The following IL1RAP variants were observed in gnomAD, a reference collection of about 807,000 sequenced individuals.
The protein encoded by IL1RAP is interleukin-1 receptor accessory protein.
In IL1RAP, 35 loss-of-function variants were observed where a neutral mutation model predicts 60.7. That is an observed-to-expected ratio of 0.58 (90% confidence interval 0.44 to 0.76). IL1RAP has a LOEUF of 0.76. Among genes scored for constraint, IL1RAP ranks in the 30% least tolerant of loss-of-function variants. IL1RAP has a pLI of 0.00. For synonymous variants in IL1RAP, 268 were observed against 250.9 expected, an observed-to-expected ratio of 1.07 and a Z score of -0.64; for missense variants, 572 against 693.9, an observed-to-expected ratio of 0.82 and a Z score of 1.97.
At chr3:190,571,154 T>C (rs1163058600) in intron 3 of IL1RAP, among the ~76,000 whole-genome samples, 4 of 152,180 alleles carry the variant, frequency 2.6e-5, no homozygotes, top group Admixed American at 2.6e-4. Context: ...CTGTTAACTA[T>C]TGCTTTTTAT....
intron 3 of IL1RAP, among the ~76,000 whole-genome samples, chr3:190,585,422 G>A (rs1458089266): frequency 6.6e-6 from 1 of 152,188 alleles, no homozygotes; most frequent in African/African-American, 2.4e-5. Flanking sequence ...CTTGACACAT[G>A]TGGAGTTGCA....
intron 5 of IL1RAP, among the ~76,000 whole-genome samples, chr3:190,613,930 G>A (rs539172520): frequency 1.3e-5 from 2 of 151,878 alleles, no homozygotes; most frequent in African/African-American, 4.8e-5. Context: ...TCTACCTTTG[G>A]GTAATCAACT....
intron 3 of IL1RAP, among the ~76,000 whole-genome samples, chr3:190,576,145 C>T (rs548326446): frequency 6.6e-6 from 1 of 152,008 alleles, no homozygotes; most frequent in African/African-American, 2.4e-5. Flanking sequence ...TGTAAAAAAC[C>T]CTAAGAGTAG....
At chr3:190,584,725 T>C (rs1295390882) in intron 3 of IL1RAP, among the ~76,000 whole-genome samples, 7 of 152,224 alleles carry the variant, frequency 4.6e-5, no homozygotes, top group Non-Finnish European at 1.0e-4. Flanking sequence ...CTTTTGAGAG[T>C]TCTCTATATA....
At chr3:190,655,756 A>AATC, downstream of IL1RAP, 2 of 637,198 alleles carry the variant, frequency 3.1e-6, no homozygotes, top group Non-Finnish European at 2.6e-6. Flanking sequence ...TTGACTGGGT[A>AATC]AATTATTCAG....
chr3:190,648,484 G>A lies in IL1RAP; in HGVS notation c.1492G>A (p.Val498Ile), dbSNP rs751132216. The A allele has an allele frequency of 2.0e-5, 32 of 1,613,972 alleles. No individual in the cohort carries two copies. The East Asian group carries it at 4.2e-4, about 21-fold the overall frequency. ...ENMASRGNIN[V>I]ILVQYKAVKE... ...TATGGCCTCTCGGGGCAACATCAACGTCATTTTAGTACAGTACAAAGCTGT... is the reference window on the plus strand; with the variant it reads ...TATGGCCTCTCGGGGCAACATCAACATCATTTTAGTACAGTACAAAGCTGT... Residue 498 changes from valine to isoleucine, a missense_variant, in exon 12 of 12, where the codon GTC becomes ATC. Coordinates refer to ENST00000447382, the MANE Select transcript of IL1RAP (RefSeq NM_002182.4).
rs1402558427 is a variant in IL1RAP, at chr3:190,573,082, C to T, written c.64+8729C>T. 3.8e-5 allele frequency among the ~76,000 whole-genome samples: 2 copies of T among 52,212 alleles called. 1 individual carries two copies. Among genetic ancestry groups the T allele is most frequent in the African/African-American group, 1.5e-4 (2 of 13,232 alleles). The allele number at this position is 52,212 out of a possible 152,430, so 34.3% of individuals were successfully genotyped here. On this transcript the variant is annotated intron_variant, in intron 3 of 11. Coordinates refer to ENST00000447382, the MANE Select transcript of IL1RAP (RefSeq NM_002182.4). ...GTTTCACCGTTTTAGCCGGGATGGT[C>T]TCGATCTCCTGACCTCGTGATCCGC...
intron 3 of IL1RAP, among the ~76,000 whole-genome samples, chr3:190,595,709 C>G (rs1729322469): frequency 6.6e-6 from 1 of 152,196 alleles, no homozygotes; most frequent in African/African-American, 2.4e-5. Flanking sequence ...TAAAAGGGGA[C>G]TGGTTCTGGT....
At chr3:190,643,377 G>A (rs1733795366) in intron 9 of IL1RAP, among the ~76,000 whole-genome samples, 1 of 152,268 alleles carries the variant, frequency 6.6e-6, no homozygotes. Flanking sequence ...TGATGAAAAA[G>A]CAATGGTAAA....
rs960133913 is a variant in IL1RAP, at chr3:190,598,578, G to C, written c.65-5550G>C. On this transcript the variant is annotated intron_variant, in intron 3 of 11. Transcript: ENST00000447382. ...AGCAAATTATGCACAGATTTTTAAGGTCAATATATTAAAAAAAATCAAAAT... is the reference window on the plus strand; with the variant it reads ...AGCAAATTATGCACAGATTTTTAAGCTCAATATATTAAAAAAAATCAAAAT... 2.0e-5 allele frequency among the ~76,000 whole-genome samples: 3 copies of C among 150,288 alleles called. No individual in the cohort carries two copies. In the East Asian group the frequency reaches 5.8e-4, roughly 29 times the overall value.
intron 3 of IL1RAP, among the ~76,000 whole-genome samples, chr3:190,573,133 G>GTCAGC (rs1727136941): frequency 9.5e-5 from 5 of 52,458 alleles, no homozygotes; most frequent in Non-Finnish European, 1.9e-4. Context: ...AAAGTTCTGG[G>GTCAGC]ATTACAGGCG....
At chr3:190,530,563 G>A (rs1476630646) in intron 1 of IL1RAP, among the ~76,000 whole-genome samples, 1 of 152,146 alleles carries the variant, frequency 6.6e-6, no homozygotes, top group Non-Finnish European at 1.5e-5. Context: ...TGTCAACTCC[G>A]ATGCCCTTAT....
chr3:190,551,021 A>G (rs1366916539), intron 1 of IL1RAP, among the ~76,000 whole-genome samples: 2 of 152,200 alleles, frequency 1.3e-5, no homozygotes, highest in Non-Finnish European at 2.9e-5. Flanking sequence ...GGAATTTCAG[A>G]TAAGACCTTT....
chr3:190,575,225 G>T lies in IL1RAP; in HGVS notation c.64+10872G>T, dbSNP rs148991090. Among the ~76,000 whole-genome samples the T allele has an allele frequency of 2.4e-3, 362 of 152,250 alleles. 2 individuals are homozygous for T. Among genetic ancestry groups the T allele is most frequent in the African/African-American group, 8.4e-3 (350 of 41,538 alleles). On this transcript the variant is annotated intron_variant, in intron 3 of 11. Transcript: ENST00000447382. ...TGTTATGTGCAGACCTTTGTACGTA[G>T]GGTAGGCAAAGATGAAGACATTGTG... is the stretch of plus-strand genomic sequence containing the variant.
intron 3 of IL1RAP, among the ~76,000 whole-genome samples, chr3:190,603,571 T>A (rs528756600): frequency 2.0e-5 from 3 of 152,368 alleles, no homozygotes; most frequent in South Asian, 2.1e-4. Flanking sequence ...CTCATTTTTT[T>A]ATATTTTGGA....
At chr3:190,605,249 T>C (rs1730206656) in intron 4 of IL1RAP, among the ~76,000 whole-genome samples, 1 of 152,180 alleles carries the variant, frequency 6.6e-6, no homozygotes, top group East Asian at 1.9e-4. Context: ...AATCCACTTT[T>C]TTTTCCCTTG....
chr3:190,574,993 G>GTTT (rs3836446), intron 3 of IL1RAP, among the ~76,000 whole-genome samples: 1,857 of 151,646 alleles, frequency 0.012, 34 homozygotes, highest in African/African-American at 0.043. Flanking sequence ...AGGGAAATGA[G>GTTT]TTTTTTTTTA....
Position 190,627,460 on chromosome 3 carries a change from G to T in IL1RAP, c.902+11G>T, listed in dbSNP as rs1486034670. On this transcript the variant is annotated intron_variant, in intron 8 of 11. Transcript: ENST00000447382. ...CACCATTAACGAAAGGTATCATGGGGGCCAGCAAGGGAGTGATTAACCTTT... is the reference window on the plus strand; with the variant it reads ...CACCATTAACGAAAGGTATCATGGGTGCCAGCAAGGGAGTGATTAACCTTT... 6.2e-7 allele frequency: 1 copy of T among 1,607,428 alleles called. No homozygotes were observed.
chr3:190,656,186 G>C, downstream of IL1RAP: 2 of 1,537,292 alleles, frequency 1.3e-6, no homozygotes, highest in Non-Finnish European at 1.7e-6. Context: ...CCCCTGAGAA[G>C]TCTGAGTGCC....
Sources: allele counts gnomAD v4.1 joint callset (sites outside exome capture counted in the v4.1 genomes callset), GRCh38; gene constraint gnomAD v4.1.1; transcripts MANE v1.5; gene names NCBI Gene and HGNC (gene_info 2026-07-23, HGNC 2026-07-21).